Variants in ZBTB46 observed in about 807,000 individuals in gnomAD.
ZBTB46 encodes zinc finger and BTB domain containing 46.
A neutral mutation model predicts 44.1 loss-of-function variants in ZBTB46; 8 were observed. That is an observed-to-expected ratio of 0.18 (90% CI 0.11 to 0.33). The LOEUF is 0.33. Among genes scored for constraint, ZBTB46 ranks in the 10% least tolerant of loss-of-function variants. The pLI is 1.00. For missense variants in ZBTB46, 651 were observed against 847.7 expected (o/e 0.77, Z 2.88); for synonymous variants, 409 against 382.3 (o/e 1.07, Z -0.81).
chr20:63,831,432 C>T (rs1404368945), upstream of ZBTB46, among the ~76,000 whole-genome samples: 1 of 143,696 alleles, frequency 7.0e-6, no homozygotes, highest in Non-Finnish European at 1.5e-5. Context: ...GCCCGGCCGC[C>T]GGCCCCGCCC....
intron 3 of ZBTB46, among the ~76,000 whole-genome samples, chr20:63,757,168 G>C (rs567157872): frequency 1.1e-4 from 16 of 152,210 alleles, no homozygotes; most frequent in Non-Finnish European, 2.1e-4. Flanking sequence ...CTGTCACCCA[G>C]GCTGGAGTGC....
In ZBTB46 at chr20:63,758,358, T is replaced by C. The variant is rs1238148060; in HGVS notation, c.1223-5497A>G. ...CACACAATCCCAAACCAGCTTACCC[T>C]GCCTTGCCCGTTCCTCCCCACAGAA... On this transcript the variant is annotated intron_variant, in intron 3 of 4. Coordinates refer to ENST00000245663, the MANE Select transcript of ZBTB46 (RefSeq NM_001369741.1). Among the ~76,000 whole-genome samples, 3 of 151,856 alleles carry C rather than the reference T, an allele frequency of 2.0e-5. No homozygotes were observed. The East Asian group carries it at 5.8e-4, about 29-fold the overall frequency.
At chr20:63,765,835 T>G (rs1027421240) in intron 3 of ZBTB46, among the ~76,000 whole-genome samples, 20 of 152,248 alleles carry the variant, frequency 1.3e-4, no homozygotes, top group African/African-American at 4.8e-4. Context: ...GCCCTTATCA[T>G]TTTACTATCT....
intron 2 of ZBTB46, among the ~76,000 whole-genome samples, chr20:63,783,040 G>T (rs1377002759): frequency 6.6e-6 from 1 of 152,176 alleles, no homozygotes; most frequent in Non-Finnish European, 1.5e-5. Flanking sequence ...TGAGGTGGGA[G>T]GATCACCTGA....
intron 1 of ZBTB46, among the ~76,000 whole-genome samples, chr20:63,830,774 C>T (rs868850552): frequency 2.1e-5 from 3 of 143,996 alleles, no homozygotes; most frequent in East Asian, 4.3e-4. Context: ...GCCGAGGGGC[C>T]GGGGCAGCCC....
chr20:63,774,789 T>TGCCGGGTTGA (rs1555842830), intron 3 of ZBTB46, among the ~76,000 whole-genome samples: 1 of 148,234 alleles, frequency 6.7e-6, no homozygotes, highest in Non-Finnish European at 1.5e-5. Flanking sequence ...CTGCAAGCTC[T>TGCCGGGTTGA]GCCTGCCGGG....
chr20:63,766,479 G>C (rs954372559), intron 3 of ZBTB46, among the ~76,000 whole-genome samples: 32 of 150,646 alleles, frequency 2.1e-4, no homozygotes, highest in African/African-American at 6.4e-4. Flanking sequence ...GCCTCCCAAA[G>C]TGCTGGGATC....
intron 1 of ZBTB46, among the ~76,000 whole-genome samples, chr20:63,823,435 T>C (rs1292312951): frequency 6.6e-6 from 1 of 151,730 alleles, no homozygotes; most frequent in Non-Finnish European, 1.5e-5. Context: ...GAAGCAGAGG[T>C]TGCAGTGAGC....
chr20:63,819,088 G>A (rs190485122), intron 1 of ZBTB46, among the ~76,000 whole-genome samples: 4 of 151,832 alleles, frequency 2.6e-5, no homozygotes, highest in Non-Finnish European at 4.4e-5. Context: ...CAGGAGAATC[G>A]CTTGAACCCG....
intron 3 of ZBTB46, among the ~76,000 whole-genome samples, chr20:63,774,676 C>CTG (rs11473068): frequency 0.54 from 78,157 of 144,028 alleles, 21,767 homozygotes; most frequent in Admixed American, 0.62. Flanking sequence ...TGGCTGGGGG[C>CTG]TGGCTGCGGT....
At chr20:63,808,904 G>A (rs1344064209) in intron 1 of ZBTB46, among the ~76,000 whole-genome samples, 1 of 151,020 alleles carries the variant, frequency 6.6e-6, no homozygotes, top group African/African-American at 2.4e-5. Flanking sequence ...GGGAACCCGG[G>A]GGGCGGAGCT....
chr20:63,816,025 A>G (rs1008231642), intron 1 of ZBTB46, among the ~76,000 whole-genome samples: 9 of 147,530 alleles, frequency 6.1e-5, no homozygotes, highest in East Asian at 2.1e-4. Context: ...CAGTGGGCGC[A>G]GGTGGGCACA....
intron 2 of ZBTB46, among the ~76,000 whole-genome samples, chr20:63,778,892 G>A (rs1466410561): frequency 2.0e-5 from 3 of 152,198 alleles, no homozygotes; most frequent in South Asian, 2.1e-4. Flanking sequence ...GCTTAACAAC[G>A]AAAATTAGTT....
chr20:63,774,905 G>A (rs190911755), intron 3 of ZBTB46, among the ~76,000 whole-genome samples: 50 of 152,030 alleles, frequency 3.3e-4, no homozygotes, highest in South Asian at 2.1e-3. Flanking sequence ...GGGTTTCACC[G>A]TGTTGGCCAA....
chr20:63,765,719 T>G (rs2092315547), intron 3 of ZBTB46, among the ~76,000 whole-genome samples: 1 of 38,346 alleles, frequency 2.6e-5, no homozygotes. Context: ...CATGAGCCAT[T>G]GCACCCACTT....
chr20:63,783,592 G>T (rs1239727680), intron 2 of ZBTB46, among the ~76,000 whole-genome samples: 1 of 152,182 alleles, frequency 6.6e-6, no homozygotes, highest in African/African-American at 2.4e-5. Flanking sequence ...AAAGCTGATT[G>T]CAGGTAATTC....
chr20:63,767,168 G>A lies in ZBTB46; in HGVS notation c.1222+8510C>T, dbSNP rs947093254. On this transcript the variant is annotated intron_variant, in intron 3 of 4. Transcript: ENST00000245663. This position sits in a 1 kb window ranked among gnomAD's most constrained non-coding sequence, Gnocchi z 5.0. ...GCCGCGCACATGCCAGGCACACACC[G>A]CCAAGGACGCCGTGGCAGGCTTTGT... is the stretch of plus-strand genomic sequence containing the variant. Among the ~76,000 whole-genome samples, 3 of 152,186 alleles carry A rather than the reference G, an allele frequency of 2.0e-5. No homozygotes were observed. The highest frequency in any genetic ancestry group is 4.8e-5 in the African/African-American group (2 of 41,448).
At chr20:63,774,137 C>G (rs371782899) in intron 3 of ZBTB46, among the ~76,000 whole-genome samples, 242 of 143,450 alleles carry the variant, frequency 1.7e-3, no homozygotes, top group East Asian at 9.9e-3. Flanking sequence ...CACAGCTTGT[C>G]CCGTCTGTGC....
In ZBTB46 at chr20:63,787,496, C is replaced by A. The variant is rs2092525489; in HGVS notation, c.937+2325G>T. Reference sequence around the variant, plus strand: ...CCAGGCATGCCGTTATCTTGTATACCCTATTTTTACAGCACCCTTTCTATG... The same window carrying A: ...CCAGGCATGCCGTTATCTTGTATACACTATTTTTACAGCACCCTTTCTATG... On this transcript the variant is annotated intron_variant, in intron 2 of 4. Transcript: ENST00000245663. This position sits in a 1 kb window ranked among gnomAD's most constrained non-coding sequence, Gnocchi z 4.6. 6.6e-6 allele frequency among the ~76,000 whole-genome samples: 1 copy of A among 152,172 alleles called. No homozygotes were observed. The highest frequency in any genetic ancestry group is 1.5e-5 in the Non-Finnish European group (1 of 68,040).
Sources: allele counts gnomAD v4.1 joint callset (sites outside exome capture counted in the v4.1 genomes callset), GRCh38; gene constraint gnomAD v4.1.1; non-coding constraint Gnocchi (gnomAD v3.1); transcripts MANE v1.5; gene names NCBI Gene and HGNC (gene_info 2026-07-23, HGNC 2026-07-21).